DNAJC1: variants seen among roughly 807,000 people sequenced by gnomAD.
DNAJC1 encodes dnaJ homolog subfamily C member 1.
In DNAJC1, 58 loss-of-function variants were observed where a neutral mutation model predicts 76.6. The observed-to-expected ratio is 0.76, with a 90% confidence interval of 0.61 to 0.94. The LOEUF (loss-of-function observed/expected upper bound fraction) is 0.94, where lower values mean the gene tolerates loss of function less well. DNAJC1 is among the 40% of genes least tolerant of loss of function. DNAJC1 has a pLI of 0.00. For missense variants in DNAJC1, 689 were observed against 677.3 expected, an observed-to-expected ratio of 1.02 and a Z score of -0.19; for synonymous variants, 258 against 267.9, an observed-to-expected ratio of 0.96 and a Z score of 0.36.
intron 1 of DNAJC1, among the ~76,000 whole-genome samples, chr10:21,967,855 G>A (rs1413564053): frequency 6.6e-6 from 1 of 152,136 alleles, no homozygotes; most frequent in Non-Finnish European, 1.5e-5. Flanking sequence ...ACACAAAGGT[G>A]TCACACATGA....
intron 8 of DNAJC1, among the ~76,000 whole-genome samples, chr10:21,833,682 C>T (rs988099315): frequency 9.9e-5 from 15 of 152,110 alleles, no homozygotes; most frequent in South Asian, 4.2e-4. Context: ...ACATGAAGTG[C>T]GCAGAACAGT....
intron 8 of DNAJC1, among the ~76,000 whole-genome samples, chr10:21,852,161 T>C (rs1190036006): frequency 6.7e-6 from 1 of 149,558 alleles, no homozygotes; most frequent in Admixed American, 6.6e-5. Flanking sequence ...ATAAAAAGAT[T>C]GATACTAGCT....
At chr10:21,851,573 T>G (rs922789228) in intron 8 of DNAJC1, among the ~76,000 whole-genome samples, 1 of 152,184 alleles carries the variant, frequency 6.6e-6, no homozygotes, top group Non-Finnish European at 1.5e-5. Context: ...GGAAAACAGG[T>G]TGATGGTACA....
intron 1 of DNAJC1, among the ~76,000 whole-genome samples, chr10:21,945,675 G>A (rs1035378940): frequency 3.3e-5 from 5 of 152,046 alleles, no homozygotes; most frequent in African/African-American, 9.7e-5. Context: ...AAAATGTCAC[G>A]GCCAATAAAA....
intron 8 of DNAJC1, among the ~76,000 whole-genome samples, chr10:21,837,304 T>G (rs368329774): frequency 6.6e-6 from 1 of 152,144 alleles, no homozygotes; most frequent in African/African-American, 2.4e-5. Context: ...CCCAAAGTGC[T>G]GAGATTGCAG....
intron 8 of DNAJC1, among the ~76,000 whole-genome samples, chr10:21,831,118 G>A (rs1267632774): frequency 6.6e-6 from 1 of 152,078 alleles, no homozygotes; most frequent in East Asian, 1.9e-4. Flanking sequence ...TAGTGGGGGT[G>A]GTCTTTGTTT....
intron 8 of DNAJC1, among the ~76,000 whole-genome samples, chr10:21,813,026 T>TATAC (rs377531103): frequency 1.4e-4 from 18 of 132,470 alleles, no homozygotes; most frequent in Non-Finnish European, 2.5e-4. Context: ...TACACACACA[T>TATAC]ACACACACAC....
intron 7 of DNAJC1, among the ~76,000 whole-genome samples, chr10:21,894,754 T>C (rs1836513768): frequency 6.6e-6 from 1 of 152,072 alleles, no homozygotes; most frequent in Non-Finnish European, 1.5e-5. Context: ...CTTTGGAAAG[T>C]GATTATGTCA....
intron 1 of DNAJC1, among the ~76,000 whole-genome samples, chr10:21,963,144 A>C (rs1326735775): frequency 6.6e-6 from 1 of 152,230 alleles, no homozygotes; most frequent in Non-Finnish European, 1.5e-5. Flanking sequence ...GGTAAAAGTC[A>C]ATTTAATCAA....
At chr10:21,908,171 A>ATATAATATATAAAAATATATAT (rs1564823931) in intron 6 of DNAJC1, among the ~76,000 whole-genome samples, 2 of 110,706 alleles carry the variant, frequency 1.8e-5, no homozygotes, top group East Asian at 4.4e-4. Flanking sequence ...AAAATATATA[A>ATATAATATATAAAAATATATAT]TATATAATAT....
chr10:21,998,782 T>C (rs1412586779), intron 1 of DNAJC1, among the ~76,000 whole-genome samples: 1 of 152,204 alleles, frequency 6.6e-6, no homozygotes, highest in Admixed American at 6.5e-5. Flanking sequence ...AAAGATTACA[T>C]AGAAGTAAAA....
intron 9 of DNAJC1, among the ~76,000 whole-genome samples, chr10:21,798,734 G>A (rs1276902576): frequency 1.3e-5 from 2 of 152,124 alleles, no homozygotes; most frequent in Non-Finnish European, 1.5e-5. Context: ...CACTACCCAA[G>A]AATTTTCTTT....
chr10:21,817,555 G>A (rs1428204692), intron 8 of DNAJC1, among the ~76,000 whole-genome samples: 1 of 152,048 alleles, frequency 6.6e-6, no homozygotes. Context: ...AAAAAAAGAT[G>A]TAATGATTTT....
At chr10:21,836,399 C>T (rs1212872955) in intron 8 of DNAJC1, among the ~76,000 whole-genome samples, 3 of 152,142 alleles carry the variant, frequency 2.0e-5, no homozygotes, top group Non-Finnish European at 4.4e-5. Context: ...ACCATCAAGG[C>T]TAGGAAGAAA....
chr10:21,765,800 C>T (rs1165842274), intron 10 of DNAJC1, among the ~76,000 whole-genome samples: 3 of 152,056 alleles, frequency 2.0e-5, no homozygotes, highest in Admixed American at 6.5e-5. Context: ...GCCGAGATTG[C>T]GCCACTGCAC....
intron 1 of DNAJC1, among the ~76,000 whole-genome samples, chr10:21,983,256 G>A (rs779322271): frequency 2.0e-5 from 3 of 152,036 alleles, no homozygotes; most frequent in African/African-American, 4.8e-5. Context: ...GTATATACAC[G>A]CAATGGAATA....
At chr10:21,825,780 T>A (rs1589997653) in intron 8 of DNAJC1, among the ~76,000 whole-genome samples, 2 of 152,364 alleles carry the variant, frequency 1.3e-5, no homozygotes, top group East Asian at 3.9e-4. Flanking sequence ...TGATTGGTGA[T>A]GTTGAATACC....
At chr10:21,818,862 GT>G in intron 8 of DNAJC1, among the ~76,000 whole-genome samples, 1 of 152,100 alleles carries the variant, frequency 6.6e-6, no homozygotes, top group Non-Finnish European at 1.5e-5. Context: ...ATTTTCTGCT[GT>G]TTTTTAAATA....
At chr10:21,949,769 T>G (rs963540800) in intron 1 of DNAJC1, among the ~76,000 whole-genome samples, 6 of 151,848 alleles carry the variant, frequency 4.0e-5, no homozygotes. Context: ...CTCGAAACCT[T>G]TGGAGTTAAC....
Sources: allele counts gnomAD v4.1 joint callset (sites outside exome capture counted in the v4.1 genomes callset), GRCh38; gene constraint gnomAD v4.1.1; transcripts MANE v1.5; gene names NCBI Gene and HGNC (gene_info 2026-07-23, HGNC 2026-07-21).